The following ZFAT variants were observed in gnomAD, a reference collection of about 807,000 sequenced individuals.
The protein encoded by ZFAT is zinc finger protein ZFAT.
In ZFAT, 64 loss-of-function variants were observed where a neutral mutation model predicts 117.7. The observed-to-expected ratio is 0.54, with a 90% confidence interval of 0.44 to 0.67. ZFAT has a LOEUF of 0.67. Among genes scored for constraint, ZFAT ranks in the 30% least tolerant of loss-of-function variants. The probability of loss-of-function intolerance (pLI) is 0.00; values close to 1 mark genes in which losing one functional copy is unlikely to be tolerated. For missense variants in ZFAT, 1,433 were observed against 1,584.5 expected, an observed-to-expected ratio of 0.90 and a Z score of 1.62; for synonymous variants, 679 against 615.0, an observed-to-expected ratio of 1.10 and a Z score of -1.54.
At chr8:134,817,439 C>A in the ZFAT span, among the ~76,000 whole-genome samples, 2 of 106,746 alleles carry the variant, frequency 1.9e-5, no homozygotes, top group African/African-American at 7.2e-5. Flanking sequence ...ACACACACAA[C>A]GCACCCTTAT....
At chr8:134,722,083 G>A in the ZFAT span, among the ~76,000 whole-genome samples, 89 of 152,300 alleles carry the variant, frequency 5.8e-4, 2 homozygotes, top group Middle Eastern at 6.8e-3. Context: ...CCTCAGATCC[G>A]GATTTCACAG....
chr8:134,782,178 T>C, the ZFAT span, among the ~76,000 whole-genome samples: 1 of 152,256 alleles, frequency 6.6e-6, no homozygotes, highest in Non-Finnish European at 1.5e-5. Context: ...TTGTTATTTG[T>C]AAAAGAGGTA....
intron 12 of ZFAT, among the ~76,000 whole-genome samples, chr8:134,526,503 T>C (rs1001223916): frequency 7.2e-5 from 11 of 152,164 alleles, no homozygotes; most frequent in Admixed American, 5.9e-4. Context: ...CAAATCACAA[T>C]TTCCTCCCAC....
chr8:134,809,822 C>T, the ZFAT span, among the ~76,000 whole-genome samples: 1 of 152,084 alleles, frequency 6.6e-6, no homozygotes, highest in East Asian at 1.9e-4. Flanking sequence ...TTTTTGTTTT[C>T]AAAATTCTCT....
Position 134,672,357 on chromosome 8 carries a change from T to A in ZFAT, c.20-14620A>T, listed in dbSNP as rs577634825. ...TAAAGCTGGAGGTGGAACTGAACAA[T>A]GAGAACACTTGGACACAGGAAAGGG... On this transcript the variant is annotated intron_variant, in intron 1 of 15. Transcript: ENST00000377838. Among the ~76,000 whole-genome samples, 31 of 152,106 alleles carry A rather than the reference T, an allele frequency of 2.0e-4. No homozygotes were observed. The East Asian group carries it at 2.3e-3, about 11-fold the overall frequency.
At chr8:134,700,259 A>C (rs975192644) in intron 1 of ZFAT, among the ~76,000 whole-genome samples, 19 of 152,356 alleles carry the variant, frequency 1.2e-4, no homozygotes, top group African/African-American at 4.6e-4. Flanking sequence ...CTAAAATGCA[A>C]AGCTAGGTCT....
the ZFAT span, among the ~76,000 whole-genome samples, chr8:134,812,357 C>T: frequency 6.6e-6 from 1 of 152,178 alleles, no homozygotes; most frequent in African/African-American, 2.4e-5. Flanking sequence ...TTCACTTTTA[C>T]AAATCCTATT....
In ZFAT at chr8:134,478,642, T is replaced by A; in HGVS notation, c.3572A>T (p.Glu1191Val). ...GGAGGACACCACCAGGTGGTGCTGC[T>A]CGGCAAGCTCCACGGACGCTTGCTG... is the stretch of plus-strand genomic sequence containing the variant. ...TVQQASVELA[E>V]QHHLVVSSDD... Residue 1191 changes from glutamate (E) to valine (V), a missense_variant, in exon 16 of 16, where the codon GAG becomes GTG. Glu to Val is a moderately radical substitution (Grantham distance 121, BLOSUM62 -2). This residue lies in a region of ZFAT where 503 missense variants were observed against 543.4 expected (regional missense o/e 0.93). Transcript: ENST00000377838. This position sits in a 1 kb window ranked among gnomAD's most constrained non-coding sequence, Gnocchi z 5.2. 2 of 1,584,272 alleles carry A rather than the reference T, an allele frequency of 1.3e-6. No homozygotes were observed. The highest frequency in any genetic ancestry group is 1.7e-6 in the Non-Finnish European group (2 of 1,165,802).
intron 11 of ZFAT, among the ~76,000 whole-genome samples, chr8:134,542,318 T>G (rs185609773): frequency 1.2e-3 from 180 of 152,338 alleles, no homozygotes; most frequent in African/African-American, 4.0e-3. Context: ...AACTTTTATT[T>G]TAGGCTCAAA....
intron 6 of ZFAT, among the ~76,000 whole-genome samples, chr8:134,600,951 A>G (rs1470234): frequency 0.42 from 63,321 of 151,844 alleles, 13,619 homozygotes; most frequent in Admixed American, 0.55. Context: ...CATGATGCAC[A>G]TGCATAAATC....
chr8:134,733,791 G>C, the ZFAT span, among the ~76,000 whole-genome samples: 1 of 152,222 alleles, frequency 6.6e-6, no homozygotes, highest in African/African-American at 2.4e-5. Context: ...TGACTTGATG[G>C]CTTGAGGGAT....
intron 10 of ZFAT, among the ~76,000 whole-genome samples, chr8:134,570,264 G>A (rs1012425227): frequency 6.6e-6 from 1 of 152,030 alleles, no homozygotes; most frequent in East Asian, 1.9e-4. Context: ...CAGTCCCTGT[G>A]CCCCTTTACT....
At chr8:134,526,688 A>G (rs1821045601) in intron 12 of ZFAT, among the ~76,000 whole-genome samples, 1 of 152,222 alleles carries the variant, frequency 6.6e-6, no homozygotes, top group Non-Finnish European at 1.5e-5. Context: ...ATTTTCAATA[A>G]TATAACTCCC....
intron 15 of ZFAT, among the ~76,000 whole-genome samples, chr8:134,484,641 A>C (rs1455808954): frequency 6.6e-6 from 1 of 152,226 alleles, no homozygotes; most frequent in Admixed American, 6.5e-5. Context: ...TCTAGTCTGC[A>C]AAATTCCCCA....
rs547929133 is a variant in ZFAT at position 134,540,237 on chromosome 8, G to C, written c.2977-7265C>G. ...GGAGATGGGCTCGGAAGAAGGACAAGAGAGGACAGACAGTAGGTGGGAGGA... is the reference window on the plus strand; with the variant it reads ...GGAGATGGGCTCGGAAGAAGGACAACAGAGGACAGACAGTAGGTGGGAGGA... On this transcript the variant is annotated intron_variant, in intron 11 of 15. Transcript: ENST00000377838. Among the ~76,000 whole-genome samples the C allele has an allele frequency of 1.3e-4, 20 of 152,352 alleles. 1 individual carries two copies. The South Asian group carries it at 4.1e-3, about 32-fold the overall frequency.
chr8:134,483,821 C>T (rs1817482549), intron 15 of ZFAT, among the ~76,000 whole-genome samples: 1 of 152,224 alleles, frequency 6.6e-6, no homozygotes, highest in African/African-American at 2.4e-5. Context: ...TCTCTTCGTG[C>T]TAAAAGGCAG....
At chr8:134,712,710 G>A in intron 1 of ZFAT, 135 bp downstream of exon 1, 1 of 719,730 alleles carries the variant, frequency 1.4e-6, no homozygotes, top group Non-Finnish European at 2.1e-6. Context: ...CCCAGACCCG[G>A]ATCCCTCCGC....
chr8:134,693,008 T>A (rs923028761), intron 1 of ZFAT, among the ~76,000 whole-genome samples: 2 of 152,198 alleles, frequency 1.3e-5, no homozygotes, highest in African/African-American at 4.8e-5. Context: ...GTGAACTCAA[T>A]GATTTTTAAG....
intron 15 of ZFAT, among the ~76,000 whole-genome samples, chr8:134,497,024 C>T (rs1368844871): frequency 6.6e-6 from 1 of 152,220 alleles, no homozygotes; most frequent in Non-Finnish European, 1.5e-5. Context: ...GGAGTGTTTG[C>T]TTTTATGCAG....
Sources: gnomAD v4.1 joint callset for allele counts (sites outside exome capture counted in the v4.1 genomes callset) on GRCh38, gnomAD v4.1.1 for gene constraint, gnomAD v4.1.1 regional missense constraint, Gnocchi (gnomAD v3.1) non-coding constraint, MANE v1.5 for transcripts, NCBI Gene and HGNC (gene_info 2026-07-23, HGNC 2026-07-21) for gene names.